Variants in PDZRN3 observed in about 807,000 individuals in gnomAD.
PDZRN3 encodes the protein E3 ubiquitin-protein ligase PDZRN3.
PDZRN3 carries 38 observed loss-of-function variants against 85.7 expected under a neutral mutation model. The ratio of observed to expected loss-of-function variants is 0.44; its 90% confidence interval spans 0.34 to 0.58. The LOEUF (loss-of-function observed/expected upper bound fraction) is 0.58, where lower values mean the gene tolerates loss of function less well. Among genes scored for constraint, PDZRN3 ranks in the 20% least tolerant of loss-of-function variants. The probability of loss-of-function intolerance (pLI) is 0.01; values close to 1 mark genes in which losing one functional copy is unlikely to be tolerated. For synonymous variants in PDZRN3, 759 were observed against 638.0 expected (o/e 1.19, Z -2.86); for missense variants, 1,629 against 1,506.4 (o/e 1.08, Z -1.35).
At chr3:73,413,126 C>CT (rs1219287204) in intron 3 of PDZRN3, among the ~76,000 whole-genome samples, 2 of 152,184 alleles carry the variant, frequency 1.3e-5, no homozygotes, top group Non-Finnish European at 2.9e-5. Context: ...AACTGTCACA[C>CT]TTAGACAAAT....
chr3:73,617,491 C>CT, intron 1 of PDZRN3, among the ~76,000 whole-genome samples: 1 of 152,274 alleles, frequency 6.6e-6, no homozygotes, highest in African/African-American at 2.4e-5. Flanking sequence ...GATTGATCCC[C>CT]TGGGTTAAAG....
chr3:73,598,204 A>G (rs1255312446), intron 3 of PDZRN3, among the ~76,000 whole-genome samples: 1 of 152,192 alleles, frequency 6.6e-6, no homozygotes, highest in African/African-American at 2.4e-5. Context: ...AAGTTCTCAA[A>G]CTATTTGAAA....
chr3:73,536,894 T>C (rs1336291054), intron 3 of PDZRN3, among the ~76,000 whole-genome samples: 1 of 152,180 alleles, frequency 6.6e-6, no homozygotes, highest in Non-Finnish European at 1.5e-5. Context: ...GAATTTCTCC[T>C]GTATTGCAAG....
intron 1 of PDZRN3, among the ~76,000 whole-genome samples, chr3:73,620,524 G>A (rs1387322110): frequency 1.3e-5 from 2 of 151,992 alleles, no homozygotes; most frequent in Non-Finnish European, 2.9e-5. Context: ...GATCAGAGAT[G>A]CCTGTCTAGG....
At chr3:73,403,355 C>G (rs1701792306) in intron 4 of PDZRN3, among the ~76,000 whole-genome samples, 1 of 152,208 alleles carries the variant, frequency 6.6e-6, no homozygotes, top group South Asian at 2.1e-4. Context: ...ACATCACCCA[C>G]TAAATTAACG....
At chr3:73,597,397 G>C (rs377045234) in intron 3 of PDZRN3, among the ~76,000 whole-genome samples, 2 of 152,240 alleles carry the variant, frequency 1.3e-5, no homozygotes, top group South Asian at 2.1e-4. Context: ...CATATCCTCG[G>C]GTCTTCAAAT....
Position 73,383,248 on chromosome 3 carries a change from C to CTATCT in PDZRN3, c.*116_*117insAGATA, listed in dbSNP as rs1406079506. 12 of 984,084 alleles carry CTATCT rather than the reference C, an allele frequency of 1.2e-5. No homozygotes were observed. Among genetic ancestry groups the CTATCT allele is most frequent in the Non-Finnish European group, 1.8e-5 (12 of 658,854 alleles). The allele number at this position is 984,084 out of a possible 1,614,324, so 61.0% of individuals were successfully genotyped here. ...GAGTTGTAGGGTTTGCAAATTTGGA[C>CTATCT]TATAAACATGAAGACCGTACTTATC... On this transcript the variant is annotated 3_prime_UTR_variant, in exon 10 of 10. Coordinates refer to ENST00000263666, the MANE Select transcript of PDZRN3 (RefSeq NM_015009.3).
chr3:73,434,883 TA>T (rs1178165877), intron 3 of PDZRN3, among the ~76,000 whole-genome samples: 3 of 152,216 alleles, frequency 2.0e-5, no homozygotes, highest in African/African-American at 7.2e-5. Context: ...TCCTGCTGAG[TA>T]AGCCTGACAC....
At chr3:73,418,394 T>C (rs1260787416) in intron 3 of PDZRN3, among the ~76,000 whole-genome samples, 1 of 152,212 alleles carries the variant, frequency 6.6e-6, no homozygotes. Flanking sequence ...GGGAATCAAA[T>C]GATAAAGTAA....
chr3:73,433,743 G>A (rs1259074031), intron 3 of PDZRN3: 12 of 1,535,478 alleles, frequency 7.8e-6, no homozygotes, highest in African/African-American at 1.4e-5. Context: ...TTCCGTTCTC[G>A]CCAGCACCCG....
chr3:73,440,233 G>A (rs1176149033), intron 3 of PDZRN3, among the ~76,000 whole-genome samples: 2 of 152,112 alleles, frequency 1.3e-5, no homozygotes, highest in Non-Finnish European at 2.9e-5. Context: ...AACATGGAGA[G>A]GAGGCACATG....
intron 3 of PDZRN3, among the ~76,000 whole-genome samples, chr3:73,599,636 C>T (rs899199090): frequency 6.6e-6 from 1 of 152,226 alleles, no homozygotes; most frequent in African/African-American, 2.4e-5. Context: ...CACACACGGA[C>T]ATTTCAAGAA....
intron 3 of PDZRN3, among the ~76,000 whole-genome samples, chr3:73,501,662 C>T (rs1316332264): frequency 6.6e-6 from 1 of 152,182 alleles, no homozygotes; most frequent in Non-Finnish European, 1.5e-5. Flanking sequence ...AAACTTGGCT[C>T]TCTAGCTCCA....
intron 3 of PDZRN3, among the ~76,000 whole-genome samples, chr3:73,431,850 G>A (rs1702437419): frequency 6.6e-6 from 1 of 151,616 alleles, no homozygotes; most frequent in South Asian, 2.1e-4. Context: ...GGGGGCAGTC[G>A]TGTGTGTGTG....
intron 3 of PDZRN3, among the ~76,000 whole-genome samples, chr3:73,589,931 T>C (rs1702329755): frequency 6.6e-6 from 1 of 152,126 alleles, no homozygotes; most frequent in Non-Finnish European, 1.5e-5. Flanking sequence ...ATATATATTT[T>C]ACAAGCTCTT....
chr3:73,523,918 C>CAAAGGA (rs1377978547), intron 3 of PDZRN3, among the ~76,000 whole-genome samples: 2 of 152,132 alleles, frequency 1.3e-5, no homozygotes, highest in Non-Finnish European at 2.9e-5. Flanking sequence ...TCACTGAGAC[C>CAAAGGA]CTGGCAAAGG....
intron 3 of PDZRN3, among the ~76,000 whole-genome samples, chr3:73,470,438 G>T (rs1703313658): frequency 6.6e-6 from 1 of 152,162 alleles, no homozygotes; most frequent in African/African-American, 2.4e-5. Flanking sequence ...GCTCATTTGA[G>T]CCTCATCCAC....
At chr3:73,588,189 T>C (rs1702305116) in intron 3 of PDZRN3, among the ~76,000 whole-genome samples, 1 of 152,094 alleles carries the variant, frequency 6.6e-6, no homozygotes. Flanking sequence ...CAGTATTTGG[T>C]TTTCTGTTCC....
At position 73,384,026 on chromosome 3, in the gene PDZRN3, C is replaced by A. The variant is rs772383934; in HGVS notation, c.2540G>T (p.Arg847Leu). ...CAGCTTCTGGCTGGGCGTGGGGCTC[C>A]GGCTCCCGTCGCTGGCTCTCCGCTC... ...SKERRASDGS[R>L]SPTPSQKLGS... Residue 847 changes from arginine to leucine, a missense_variant, in exon 10 of 10, where the codon CGG (arginine) becomes CTG (leucine). Transcript: ENST00000263666. 6.3e-7 allele frequency: 1 copy of A among 1,591,528 alleles called. No individual in the cohort carries two copies.
Sources: gnomAD v4.1 joint callset for allele counts (sites outside exome capture counted in the v4.1 genomes callset) on GRCh38, gnomAD v4.1.1 for gene constraint, MANE v1.5 for transcripts, NCBI Gene and HGNC (gene_info 2026-07-23, HGNC 2026-07-21) for gene names.